RPTOR: variants seen among roughly 807,000 people sequenced by gnomAD.
The protein encoded by RPTOR is regulatory-associated protein of mTOR.
In RPTOR, 21 loss-of-function variants were observed where a neutral mutation model predicts 169.9. That is an observed-to-expected ratio of 0.12 (90% CI 0.09 to 0.18). The LOEUF (loss-of-function observed/expected upper bound fraction) is 0.18. Among genes scored for constraint, RPTOR ranks in the 10% least tolerant of loss-of-function variants. RPTOR has a pLI of 1.00. For synonymous variants in RPTOR, 732 were observed against 753.2 expected (o/e 0.97, Z 0.46); for missense variants, 1,133 against 1,855.9 (o/e 0.61, Z 7.16).
intron 1 of RPTOR, among the ~76,000 whole-genome samples, chr17:80,612,495 T>C (rs938169366): frequency 1.3e-5 from 2 of 152,260 alleles, no homozygotes; most frequent in African/African-American, 4.8e-5. Flanking sequence ...TTAAATTCTG[T>C]GTTGTAAATC....
At chr17:80,777,914 G>T (rs180943872) in intron 6 of RPTOR, among the ~76,000 whole-genome samples, 1 of 152,128 alleles carries the variant, frequency 6.6e-6, no homozygotes, top group Non-Finnish European at 1.5e-5. Flanking sequence ...AAAGGTGAAC[G>T]CCAGAGGCTG....
At chr17:80,901,992 T>C (rs1334235523) in intron 20 of RPTOR, among the ~76,000 whole-genome samples, 1 of 152,146 alleles carries the variant, frequency 6.6e-6, no homozygotes, top group Non-Finnish European at 1.5e-5. Context: ...AGGATAAATG[T>C]TTGTGAAACT....
intron 3 of RPTOR, among the ~76,000 whole-genome samples, chr17:80,686,187 C>CTT (rs3074397): frequency 2.1e-4 from 29 of 135,886 alleles, no homozygotes; most frequent in African/African-American, 6.2e-4. Context: ...TTCATAACAA[C>CTT]TTTTTTTTTT....
intron 19 of RPTOR, 137 bp from the exon 20 acceptor site, chr17:80,893,570 G>C (rs1163417299): frequency 9.3e-7 from 1 of 1,070,512 alleles, no homozygotes; most frequent in Non-Finnish European, 1.3e-6. Context: ...CAGGGTGTGT[G>C]TGTACCAGGG....
intron 1 of RPTOR, among the ~76,000 whole-genome samples, chr17:80,591,613 A>C (rs1226350328): frequency 6.6e-6 from 1 of 152,046 alleles, no homozygotes; most frequent in African/African-American, 2.4e-5. Flanking sequence ...TCCTGAGCTC[A>C]GGCAATCCAC....
chr17:80,877,080 T>C (rs8074030), intron 13 of RPTOR, among the ~76,000 whole-genome samples: 76,004 of 142,458 alleles, frequency 0.53, 19,971 homozygotes, highest in African/African-American at 0.65. Flanking sequence ...GTCTTCCCAC[T>C]GAGCCCGTGC....
intron 1 of RPTOR, among the ~76,000 whole-genome samples, chr17:80,605,689 C>T (rs918050342): frequency 2.6e-5 from 4 of 152,164 alleles, no homozygotes; most frequent in Non-Finnish European, 4.4e-5. Flanking sequence ...GTGATATACA[C>T]CTTGCCAGGT....
At chr17:80,779,724 G>A (rs1192690862) in intron 6 of RPTOR, among the ~76,000 whole-genome samples, 1 of 152,158 alleles carries the variant, frequency 6.6e-6, no homozygotes, top group South Asian at 2.1e-4. Flanking sequence ...AGCAGCAAGT[G>A]GGACAGATTG....
At chr17:80,782,554 G>A (rs1006286251) in intron 6 of RPTOR, among the ~76,000 whole-genome samples, 2 of 152,284 alleles carry the variant, frequency 1.3e-5, no homozygotes, top group African/African-American at 4.8e-5. Flanking sequence ...ATCAGGCACT[G>A]TTTTCCCTTG....
chr17:80,792,549 A>G (rs1276936522), intron 7 of RPTOR, among the ~76,000 whole-genome samples: 1 of 152,210 alleles, frequency 6.6e-6, no homozygotes, highest in Admixed American at 6.5e-5. Flanking sequence ...CTAAGTGAGC[A>G]GTCCTCAGCA....
chr17:80,815,095 T>C (rs996784706), intron 7 of RPTOR, among the ~76,000 whole-genome samples: 2 of 152,176 alleles, frequency 1.3e-5, no homozygotes, highest in Non-Finnish European at 2.9e-5. Context: ...ACCAGGAAGG[T>C]AAACATGCTT....
chr17:80,834,627 C>T lies in RPTOR; in HGVS notation c.1137-3295C>T, dbSNP rs549838411. On this transcript the variant is annotated intron_variant, in intron 9 of 33. Transcript: ENST00000306801. ...TGTCCCACTGCAGCAACATGGGTCA[C>T]GTGTCCGAGAGAGATTGTCACCCGT... 1.4e-4 allele frequency among the ~76,000 whole-genome samples: 22 copies of T among 152,336 alleles called. No individual in the cohort carries two copies. In the South Asian group the frequency reaches 3.7e-3, roughly 26 times the overall value.
At chr17:80,945,502 G>A (rs1376865906) in intron 25 of RPTOR, 165 bp from the exon 26 acceptor site, 9 of 458,738 alleles carry the variant, frequency 2.0e-5, no homozygotes, top group Middle Eastern at 5.7e-4. Flanking sequence ...TGAGGCAGGA[G>A]AATGGTGTGA....
intron 1 of RPTOR, among the ~76,000 whole-genome samples, chr17:80,600,871 C>T (rs1010865980): frequency 1.2e-5 from 1 of 81,908 alleles, no homozygotes; most frequent in African/African-American, 4.4e-5. Context: ...CACGTGCCCT[C>T]TCTGCAGTGT....
chr17:80,926,658 T>C (rs984072645), intron 24 of RPTOR, among the ~76,000 whole-genome samples: 3 of 152,214 alleles, frequency 2.0e-5, no homozygotes, highest in Non-Finnish European at 4.4e-5. Context: ...GAAGCGCTCA[T>C]GACAACATTC....
chr17:80,694,666 C>T (rs2066021300), intron 3 of RPTOR, among the ~76,000 whole-genome samples: 1 of 152,176 alleles, frequency 6.6e-6, no homozygotes, highest in Non-Finnish European at 1.5e-5. Context: ...GGTGGTAGCT[C>T]CGCACTTAAG....
At chr17:80,909,247 T>G (rs1355898020) in intron 21 of RPTOR, among the ~76,000 whole-genome samples, 2 of 152,110 alleles carry the variant, frequency 1.3e-5, no homozygotes, top group East Asian at 3.8e-4. Context: ...TTTTCTTTCT[T>G]TACTTAATTA....
rs374678769 is a variant in RPTOR at position 80,551,339 on chromosome 17, C to A, written c.162+5548C>A. Among the ~76,000 whole-genome samples, 1,378 of 152,196 alleles carry A rather than the reference C, an allele frequency of 9.1e-3. 30 individuals are homozygous for A. The highest frequency in any genetic ancestry group is 0.031 in the African/African-American group (1,282 of 41,514). ...GGGGACCCAGGGAACCAGCGTTCAG[C>A]ATATGGAGGATCCCGCCAGCCTCAG... is the stretch of plus-strand genomic sequence containing the variant. On this transcript the variant is annotated intron_variant, in intron 1 of 33. Coordinates refer to ENST00000306801, the MANE Select transcript of RPTOR (RefSeq NM_020761.3).
chr17:80,898,821 T>G (rs978136087), intron 20 of RPTOR, among the ~76,000 whole-genome samples: 7 of 151,710 alleles, frequency 4.6e-5, no homozygotes. Flanking sequence ...CTTCAAGCTT[T>G]CTTTCTACTT....
Sources: allele counts gnomAD v4.1 joint callset (sites outside exome capture counted in the v4.1 genomes callset), GRCh38; gene constraint gnomAD v4.1.1; transcripts MANE v1.5; gene names NCBI Gene and HGNC (gene_info 2026-07-23, HGNC 2026-07-21).